Variants in ARMC9 observed in about 807,000 individuals in gnomAD.
The protein encoded by ARMC9 is armadillo repeat containing 9.
A neutral mutation model predicts 107.0 loss-of-function variants in ARMC9; 94 were observed. That is an observed-to-expected ratio of 0.88 (90% CI 0.74 to 1.04). The LOEUF (loss-of-function observed/expected upper bound fraction) is 1.04. Ranked by LOEUF, ARMC9 falls within the 50% of genes least tolerant of loss-of-function variation. The probability of loss-of-function intolerance (pLI) is 0.00; values close to 1 mark genes in which losing one functional copy is unlikely to be tolerated. For missense variants in ARMC9, 942 were observed against 1,030.1 expected (o/e 0.91, Z 1.17); for synonymous variants, 380 against 396.9 (o/e 0.96, Z 0.51).
chr2:231,279,661 C>T (rs1332466261), intron 16 of ARMC9, among the ~76,000 whole-genome samples: 1 of 151,962 alleles, frequency 6.6e-6, no homozygotes, highest in African/African-American at 2.4e-5. Context: ...CAGGTGCCCG[C>T]CACTACGTCT....
At chr2:231,249,453 G>A (rs764733386) in intron 9 of ARMC9, among the ~76,000 whole-genome samples, 10 of 152,098 alleles carry the variant, frequency 6.6e-5, no homozygotes, top group Non-Finnish European at 1.2e-4. Context: ...TCCCCATCCT[G>A]CTAGTCACCA....
chr2:231,269,490 A>G (rs113790883), intron 12 of ARMC9, among the ~76,000 whole-genome samples: 3,155 of 148,984 alleles, frequency 0.021, 117 homozygotes, highest in African/African-American at 0.074. Context: ...GGTTCAAGCA[A>G]TCCTCCTGCC....
At chr2:231,282,998 G>A (rs576039145) in intron 17 of ARMC9, among the ~76,000 whole-genome samples, 5 of 152,164 alleles carry the variant, frequency 3.3e-5, no homozygotes, top group Non-Finnish European at 7.3e-5. Flanking sequence ...GAGAAAGAAT[G>A]GAGGTAACAT....
chr2:231,344,834 A>AT, intron 20 of ARMC9, 141 bp from the exon 21 acceptor site: 1 of 895,726 alleles, frequency 1.1e-6, no homozygotes, highest in Non-Finnish European at 1.7e-6. Flanking sequence ...TACCTGAATA[A>AT]TTTGTGACAT....
intron 3 of ARMC9, among the ~76,000 whole-genome samples, chr2:231,209,319 T>C (rs937811793): frequency 3.3e-5 from 5 of 152,284 alleles, no homozygotes; most frequent in East Asian, 1.9e-4. Context: ...AAATCAAGGC[T>C]GCATTGAGCC....
chr2:231,308,851 C>T (rs1243610777), intron 19 of ARMC9, among the ~76,000 whole-genome samples: 1 of 152,308 alleles, frequency 6.6e-6, no homozygotes, highest in South Asian at 2.1e-4. Context: ...GTCCAGAGAG[C>T]CAGAGGCTAG....
intron 9 of ARMC9, among the ~76,000 whole-genome samples, chr2:231,252,481 C>T (rs1478748210): frequency 1.3e-5 from 2 of 152,242 alleles, no homozygotes; most frequent in East Asian, 1.9e-4. Flanking sequence ...AACTCCTGAC[C>T]TCAAGTGATC....
At chr2:231,232,771 A>G (rs951311474) in intron 7 of ARMC9, among the ~76,000 whole-genome samples, 1 of 151,414 alleles carries the variant, frequency 6.6e-6, no homozygotes, top group African/African-American at 2.4e-5. Context: ...GACTTTTTAA[A>G]GTTATCTTTC....
intron 21 of ARMC9, among the ~76,000 whole-genome samples, chr2:231,348,349 T>C (rs1437556526): frequency 6.6e-6 from 1 of 152,114 alleles, no homozygotes; most frequent in Non-Finnish European, 1.5e-5. Flanking sequence ...GGAAATAAAT[T>C]CTCTCCTGGA....
intron 8 of ARMC9, 125 bp downstream of exon 8, chr2:231,235,506 T>A: frequency 8.6e-7 from 1 of 1,167,672 alleles, no homozygotes; most frequent in Non-Finnish European, 1.2e-6. Context: ...CGCCTGCTGC[T>A]CTATTTCCAA....
intron 21 of ARMC9, among the ~76,000 whole-genome samples, chr2:231,348,413 A>G (rs2044897534): frequency 6.6e-6 from 1 of 152,226 alleles, no homozygotes; most frequent in Non-Finnish European, 1.5e-5. Context: ...TGACCTCCAT[A>G]ATTATGAGAC....
chr2:231,334,284 G>A (rs1158133665), intron 20 of ARMC9, among the ~76,000 whole-genome samples: 1 of 152,212 alleles, frequency 6.6e-6, no homozygotes, highest in African/African-American at 2.4e-5. Flanking sequence ...GTTTTGAAAG[G>A]CAGAAATCCA....
intron 19 of ARMC9, among the ~76,000 whole-genome samples, chr2:231,316,169 TG>T (rs2042666603): frequency 6.7e-6 from 1 of 149,466 alleles, no homozygotes; most frequent in African/African-American, 2.5e-5. Context: ...TATGTGTGTG[TG>T]TGTGTGTGTG....
chr2:231,305,272 T>C (rs2041979404), intron 19 of ARMC9, among the ~76,000 whole-genome samples: 1 of 152,268 alleles, frequency 6.6e-6, no homozygotes, highest in Admixed American at 6.5e-5. Flanking sequence ...TGGTTTGTGC[T>C]AAGGCACCAG....
rs202210634 is a variant in ARMC9, at chr2:231,230,205, TA to T, written c.622+3415del. The stretch of plus-strand genomic sequence containing the variant: ...AGTGAGACCCTATTGCTATAAAAAC[TA>T]AAAAAAATTAACCGAGCGTGGCGAC... On this transcript the variant is annotated intron_variant, in intron 7 of 24. Transcript: ENST00000611582. Among the ~76,000 whole-genome samples the T allele has an allele frequency of 1.6e-3, 247 of 151,794 alleles. 2 individuals carry two copies. In the East Asian group the frequency reaches 0.025, roughly 15 times the overall value.
chr2:231,261,096 G>A (rs113568542), intron 11 of ARMC9, among the ~76,000 whole-genome samples: 21 of 152,164 alleles, frequency 1.4e-4, no homozygotes, highest in African/African-American at 4.8e-4. Flanking sequence ...TCTTGCCCAC[G>A]CTAAGAACTA....
At chr2:231,225,017 T>TA (rs2034507639) in intron 6 of ARMC9, among the ~76,000 whole-genome samples, 1 of 152,246 alleles carries the variant, frequency 6.6e-6, no homozygotes, top group Non-Finnish European at 1.5e-5. Flanking sequence ...CTATAAGGAA[T>TA]AAGGAGCCTT....
chr2:231,228,889 A>G (rs906035002), intron 7 of ARMC9, among the ~76,000 whole-genome samples: 1 of 152,050 alleles, frequency 6.6e-6, no homozygotes, highest in Non-Finnish European at 1.5e-5. Context: ...TCCCCCTAGC[A>G]TACACTGCAT....
chr2:231,207,393 C>T (rs2032172454), intron 2 of ARMC9, among the ~76,000 whole-genome samples: 1 of 152,190 alleles, frequency 6.6e-6, no homozygotes, highest in Non-Finnish European at 1.5e-5. Flanking sequence ...GTCCTAGGCT[C>T]AAGCGATCCT....
Sources: allele counts gnomAD v4.1 joint callset (sites outside exome capture counted in the v4.1 genomes callset), GRCh38; gene constraint gnomAD v4.1.1; transcripts MANE v1.5; gene names NCBI Gene and HGNC (gene_info 2026-07-23, HGNC 2026-07-21).